EML6: variants seen among roughly 807,000 people sequenced by gnomAD.
The protein encoded by EML6 is echinoderm microtubule-associated protein-like 6.
EML6 carries 154 observed loss-of-function variants against 240.1 expected under a neutral mutation model. That is an observed-to-expected ratio of 0.64 (90% CI 0.56 to 0.73). The LOEUF is 0.73. EML6 is among the 30% of genes least tolerant of loss of function. The pLI, the probability that EML6 is intolerant of heterozygous loss-of-function variation, is 0.00. For missense variants in EML6, 2,964 were observed against 2,474.6 expected (o/e 1.20, Z -4.20); for synonymous variants, 1,148 against 899.0 (o/e 1.28, Z -4.95).
intron 2 of EML6, among the ~76,000 whole-genome samples, chr2:54,804,481 T>A (rs1398799333): frequency 6.6e-6 from 1 of 152,238 alleles, no homozygotes; most frequent in Admixed American, 6.5e-5. Context: ...GCTGATCAAA[T>A]TCTTTTATCA....
At chr2:54,800,914 A>T (rs966596000) in intron 2 of EML6, among the ~76,000 whole-genome samples, 1 of 152,146 alleles carries the variant, frequency 6.6e-6, no homozygotes, top group Non-Finnish European at 1.5e-5. Context: ...GGAGCTGGTA[A>T]ATGGCAGACT....
intron 2 of EML6, among the ~76,000 whole-genome samples, chr2:54,733,842 GC>G (rs139615387): frequency 0.023 from 3,434 of 152,184 alleles, 128 homozygotes; most frequent in African/African-American, 0.071. Flanking sequence ...TCAAAGGGCT[GC>G]CCCTTTAAAG....
chr2:54,945,305 TC>T (rs1441314380), intron 28 of EML6, among the ~76,000 whole-genome samples: 1 of 89,004 alleles, frequency 1.1e-5, no homozygotes, highest in Admixed American at 1.3e-4. Context: ...CTCTCTCCCC[TC>T]CCCCTCCCCT....
At chr2:54,765,771 G>A (rs938599897) in intron 2 of EML6, among the ~76,000 whole-genome samples, 13 of 152,074 alleles carry the variant, frequency 8.5e-5, no homozygotes, top group Non-Finnish European at 1.5e-4. Flanking sequence ...AGTCCCTATG[G>A]TACCATCTAT....
At chr2:54,813,486 C>T in intron 3 of EML6, 95 bp downstream of exon 3, 1 of 1,074,466 alleles carries the variant, frequency 9.3e-7, no homozygotes, top group South Asian at 1.5e-5. Flanking sequence ...GTCCATCAAC[C>T]CTTGCTGGTT....
chr2:54,776,873 A>G (rs1290081441), intron 2 of EML6, among the ~76,000 whole-genome samples: 1 of 152,176 alleles, frequency 6.6e-6, no homozygotes, highest in Non-Finnish European at 1.5e-5. Context: ...TCATTGGGAT[A>G]GTTTATGGCT....
intron 2 of EML6, among the ~76,000 whole-genome samples, chr2:54,730,838 C>T (rs1683124862): frequency 6.6e-6 from 1 of 152,182 alleles, no homozygotes; most frequent in African/African-American, 2.4e-5. Context: ...CATTTTACAT[C>T]TATAATGTGC....
intron 31 of EML6, 66 bp downstream of exon 31, chr2:54,952,758 TGGGAGA>T: frequency 9.1e-7 from 1 of 1,102,540 alleles, no homozygotes; most frequent in South Asian, 1.4e-5. Flanking sequence ...CAGCAATTAT[TGGGAGA>T]GGGAGTGGGT....
Position 54,725,399 on chromosome 2 carries a change from G to A in EML6, c.197+141G>A. The stretch of plus-strand genomic sequence containing the variant: ...AGCCGCATGGAATTACTGAAGGGCT[G>A]CTGATTCTAGGGCCAGGGCAGAAAC... On this transcript the variant is annotated intron_variant, in intron 2 of 41. Transcript: ENST00000356458. The surrounding 1 kb of genome is among the most constrained non-coding windows in gnomAD (Gnocchi z 4.3). The A allele has an allele frequency of 5.1e-6, 3 of 593,844 alleles. No individual in the cohort carries two copies. The highest frequency in any genetic ancestry group is 2.0e-5 in the African/African-American group (1 of 51,152). 36.8% of individuals were successfully genotyped at this position (593,844 alleles called of 1,614,324 possible).
intron 2 of EML6, among the ~76,000 whole-genome samples, chr2:54,794,002 C>G (rs1046576042): frequency 2.6e-5 from 4 of 152,220 alleles, no homozygotes; most frequent in African/African-American, 7.2e-5. Flanking sequence ...ATTCCCTTGC[C>G]TCACCTCATC....
intron 16 of EML6, among the ~76,000 whole-genome samples, chr2:54,875,712 C>T (rs555962473): frequency 6.6e-6 from 1 of 152,256 alleles, no homozygotes; most frequent in African/African-American, 2.4e-5. Flanking sequence ...TTTATATTAT[C>T]TCAGTTGAGA....
intron 13 of EML6, among the ~76,000 whole-genome samples, chr2:54,865,850 A>C (rs561630352): frequency 6.6e-6 from 1 of 152,218 alleles, no homozygotes; most frequent in Admixed American, 6.5e-5. Context: ...TTTTAACTCA[A>C]TTTTACAGAT....
chr2:54,906,242 C>G (rs1210282058), intron 24 of EML6, among the ~76,000 whole-genome samples: 2 of 152,142 alleles, frequency 1.3e-5, no homozygotes, highest in East Asian at 1.9e-4. Flanking sequence ...AAGTGTATCT[C>G]ATTTTGGGTT....
chr2:54,931,913 T>A (rs2104406393), intron 28 of EML6, among the ~76,000 whole-genome samples: 1 of 152,366 alleles, frequency 6.6e-6, no homozygotes, highest in South Asian at 2.1e-4. Flanking sequence ...AAGGTAGCTG[T>A]GCTTTATGCA....
At chr2:54,797,185 A>AAAAAAAAAAAAAAAAAAAAAAAAAAAAAT (rs1669858257) in intron 2 of EML6, among the ~76,000 whole-genome samples, 1 of 149,064 alleles carries the variant, frequency 6.7e-6, no homozygotes, top group Non-Finnish European at 1.5e-5. Flanking sequence ...AAAAAAAAAA[A>AAAAAAAAAAAAAAAAAAAAAAAAAAAAAT]AAAACTGTGA....
At position 54,841,739 on chromosome 2, in the gene EML6, C is replaced by T. The variant is rs369033377; in HGVS notation, c.848-2308C>T. Among the ~76,000 whole-genome samples, 268 of 152,036 alleles carry T rather than the reference C, an allele frequency of 1.8e-3. 7 individuals are homozygous for T. In the South Asian group the frequency reaches 0.049, roughly 28 times the overall value. ...ACCCGGGTAGCTGGGAATACAGGTG[C>T]GTGCTACCATGTCCAGCTAATTTTT... On this transcript the variant is annotated intron_variant, in intron 7 of 41. Coordinates refer to ENST00000356458, the MANE Select transcript of EML6 (RefSeq NM_001039753.4).
intron 26 of EML6, among the ~76,000 whole-genome samples, chr2:54,923,710 A>G (rs1421475831): frequency 6.6e-6 from 1 of 152,176 alleles, no homozygotes; most frequent in African/African-American, 2.4e-5. Context: ...CAAAAAGCTC[A>G]TGTACCTATA....
chr2:54,806,483 C>T (rs935444521), intron 2 of EML6, among the ~76,000 whole-genome samples: 2 of 151,732 alleles, frequency 1.3e-5, no homozygotes, highest in Non-Finnish European at 1.5e-5. Context: ...CGTGGTAGCA[C>T]GTGCCTGTAA....
chr2:54,930,989 G>T (rs1040899755), intron 28 of EML6, among the ~76,000 whole-genome samples: 2 of 121,884 alleles, frequency 1.6e-5, no homozygotes, highest in African/African-American at 6.6e-5. Context: ...ACGGAGTCTC[G>T]CTCTGTCGCC....
Sources: gnomAD v4.1 joint callset for allele counts (sites outside exome capture counted in the v4.1 genomes callset) on GRCh38, gnomAD v4.1.1 for gene constraint, Gnocchi (gnomAD v3.1) non-coding constraint, MANE v1.5 for transcripts, NCBI Gene and HGNC (gene_info 2026-07-23, HGNC 2026-07-21) for gene names.